The following PIGU variants were observed in gnomAD, a reference collection of about 807,000 sequenced individuals.
PIGU encodes the protein GPI-anchor transamidase component PIGU.
PIGU carries 24 observed loss-of-function variants against 49.9 expected under a neutral mutation model. The observed-to-expected ratio is 0.48, with a 90% CI of 0.35 to 0.68. The LOEUF is 0.68. Ranked by LOEUF, PIGU falls within the 30% of genes least tolerant of loss-of-function variation. The probability of loss-of-function intolerance (pLI) is 0.01; values close to 1 mark genes in which losing one functional copy is unlikely to be tolerated. For synonymous variants in PIGU, 220 were observed against 205.7 expected, an observed-to-expected ratio of 1.07 and a Z score of -0.59; for missense variants, 490 against 532.6, an observed-to-expected ratio of 0.92 and a Z score of 0.79.
chr20:34,646,327 T>C (rs1986341869), intron 2 of PIGU, among the ~76,000 whole-genome samples: 2 of 152,216 alleles, frequency 1.3e-5, no homozygotes, highest in Admixed American at 1.3e-4. Flanking sequence ...ACTGACAAAA[T>C]TGTTCATAGT....
chr20:34,592,188 C>CAA (rs759695806), intron 7 of PIGU, among the ~76,000 whole-genome samples: 3 of 77,122 alleles, frequency 3.9e-5, no homozygotes, highest in Middle Eastern at 8.2e-3. Context: ...GACTCCGTCT[C>CAA]AAAAAAAAAA....
At chr20:34,616,196 C>A (rs764000268) in intron 6 of PIGU, 57 bp from the exon 7 acceptor site, 51 of 1,566,004 alleles carry the variant, frequency 3.3e-5, no homozygotes, top group Non-Finnish European at 5.2e-6. Context: ...TGATTAGACT[C>A]AGCAAGTCCC....
At chr20:34,585,960 C>T (rs779054979) in intron 8 of PIGU, among the ~76,000 whole-genome samples, 1 of 152,104 alleles carries the variant, frequency 6.6e-6, no homozygotes, top group Non-Finnish European at 1.5e-5. Context: ...AAAGACCTGC[C>T]TAGAGGACCA....
intron 7 of PIGU, among the ~76,000 whole-genome samples, chr20:34,604,092 C>T (rs570129739): frequency 1.3e-5 from 2 of 152,220 alleles, no homozygotes; most frequent in African/African-American, 4.8e-5. Context: ...ACACCAGGGT[C>T]AAATGAACCA....
intron 10 of PIGU, among the ~76,000 whole-genome samples, 159 bp downstream of exon 10, chr20:34,581,389 G>A (rs1009046205): frequency 4.6e-5 from 7 of 152,140 alleles, no homozygotes; most frequent in African/African-American, 4.8e-5. Context: ...ACAAGTCCGC[G>A]GCACCTGGAA....
intron 1 of PIGU, among the ~76,000 whole-genome samples, chr20:34,672,969 T>C (rs1272414998): frequency 6.7e-6 from 1 of 150,258 alleles, no homozygotes. Flanking sequence ...AAATTTAAAA[T>C]GTCAGCCCGG....
chr20:34,633,438 G>T (rs1382072836), intron 6 of PIGU, among the ~76,000 whole-genome samples: 1 of 152,014 alleles, frequency 6.6e-6, no homozygotes, highest in African/African-American at 2.4e-5. Flanking sequence ...CTCTAGCCCT[G>T]AGTGACAGAG....
chr20:34,644,076 T>C, intron 4 of PIGU, 88 bp downstream of exon 4: 2 of 1,253,134 alleles, frequency 1.6e-6, no homozygotes, highest in Non-Finnish European at 2.3e-6. Flanking sequence ...TTAAAGCATC[T>C]GGATCCTTAA....
chr20:34,588,494 A>G lies in PIGU; in HGVS notation c.741T>C (p.Leu247=). The change falls in exon 8 of 12, where the codon CTT becomes CTC. Residue 247 remains leucine (L), a synonymous_variant. Transcript: ENST00000217446. ...LVVIICLSFF[L]LSSWDFIPAV... ...CGGGGATGAAATCCCAAGAGCTGAG[A>G]AGGAAGAAGGAGAGGCAAATGATTA... 6.2e-7 allele frequency: 1 copy of G among 1,614,060 alleles called. No homozygotes were observed. Among genetic ancestry groups the G allele is most frequent in the Non-Finnish European group, 8.5e-7 (1 of 1,179,906 alleles).
intron 7 of PIGU, among the ~76,000 whole-genome samples, chr20:34,596,019 G>A (rs1276170478): frequency 1.3e-5 from 2 of 152,164 alleles, no homozygotes; most frequent in Non-Finnish European, 2.9e-5. Context: ...GCGATGGAGC[G>A]AGACCCTGTC....
intron 5 of PIGU, among the ~76,000 whole-genome samples, chr20:34,636,538 C>T (rs555642126): frequency 1.2e-4 from 18 of 151,984 alleles, no homozygotes; most frequent in South Asian, 8.3e-4. Context: ...AGCAAGACTC[C>T]GTCTCAAATA....
At chr20:34,665,080 C>T (rs895799560) in intron 1 of PIGU, among the ~76,000 whole-genome samples, 1 of 152,014 alleles carries the variant, frequency 6.6e-6, no homozygotes, top group Admixed American at 6.6e-5. Flanking sequence ...CGCTAGAGTG[C>T]AGTGGCATGA....
intron 4 of PIGU, 75 bp from the exon 5 acceptor site, chr20:34,638,060 A>G: frequency 6.7e-7 from 1 of 1,503,370 alleles, no homozygotes; most frequent in Non-Finnish European, 8.8e-7. Flanking sequence ...GCTGAAGACA[A>G]AAGTCCTTTC....
rs556535272 is a variant in PIGU, at chr20:34,568,994, G to GACA, written c.1194+6109_1194+6110insTGT. On this transcript the variant is annotated intron_variant, in intron 11 of 11. Coordinates refer to ENST00000217446, the MANE Select transcript of PIGU (RefSeq NM_080476.5). The stretch of plus-strand genomic sequence containing the variant: ...GGAGGCTGAGGCAGGAGTTTGGCTT[G>GACA]AGCTCAGGAGTTCGAGCTCGTAACA... Among the ~76,000 whole-genome samples, 1,262 of 152,206 alleles carry GACA rather than the reference G, an allele frequency of 8.3e-3. 13 individuals carry two copies. Among genetic ancestry groups the GACA allele is most frequent in the Non-Finnish European group, 0.015 (993 of 68,008 alleles).
intron 1 of PIGU, among the ~76,000 whole-genome samples, chr20:34,667,447 T>C (rs925501676): frequency 2.0e-5 from 3 of 151,822 alleles, no homozygotes; most frequent in East Asian, 1.9e-4. Flanking sequence ...GATCATCTTA[T>C]AGTTCTAGAA....
chr20:34,569,513 G>A (rs905734382), intron 11 of PIGU, among the ~76,000 whole-genome samples: 3 of 152,256 alleles, frequency 2.0e-5, no homozygotes, highest in East Asian at 1.9e-4. Context: ...TTACAGGCAC[G>A]AGCTACTGCA....
intron 1 of PIGU, among the ~76,000 whole-genome samples, chr20:34,662,641 G>A (rs1251211518): frequency 6.6e-6 from 1 of 152,096 alleles, no homozygotes; most frequent in African/African-American, 2.4e-5. Flanking sequence ...GGATCTGCCT[G>A]CCTCAGCTTT....
chr20:34,561,172 A>C (rs555185637), intron 11 of PIGU, among the ~76,000 whole-genome samples, 193 bp from the exon 12 acceptor site: 2 of 152,212 alleles, frequency 1.3e-5, no homozygotes, highest in South Asian at 4.1e-4. Context: ...GGCCTCTCAG[A>C]AGCTGCCTGG....
At chr20:34,672,924 C>G (rs937482906) in intron 1 of PIGU, among the ~76,000 whole-genome samples, 1 of 149,532 alleles carries the variant, frequency 6.7e-6, no homozygotes, top group East Asian at 2.0e-4. Flanking sequence ...GGATTTGGAT[C>G]CAGGGCCCCT....
Sources: gnomAD v4.1 joint callset for allele counts (sites outside exome capture counted in the v4.1 genomes callset) on GRCh38, gnomAD v4.1.1 for gene constraint, MANE v1.5 for transcripts, NCBI Gene and HGNC (gene_info 2026-07-23, HGNC 2026-07-21) for gene names.